Variants in SNAP47 observed in about 807,000 individuals in gnomAD.
SNAP47 encodes the protein synaptosome associated protein 47.
In SNAP47, 20 loss-of-function variants were observed where a neutral mutation model predicts 31.4. The ratio of observed to expected loss-of-function variants is 0.64; its 90% CI spans 0.45 to 0.93. SNAP47 has a LOEUF of 0.93. Among genes scored for constraint, SNAP47 ranks in the 40% least tolerant of loss-of-function variants. SNAP47 has a pLI of 0.00. For synonymous variants in SNAP47, 194 were observed against 213.4 expected, an observed-to-expected ratio of 0.91 and a Z score of 0.79; for missense variants, 492 against 528.5, an observed-to-expected ratio of 0.93 and a Z score of 0.68.
chr1:227,773,330 A>T (rs1170016169), intron 4 of SNAP47, among the ~76,000 whole-genome samples: 3 of 152,138 alleles, frequency 2.0e-5, no homozygotes, highest in Non-Finnish European at 4.4e-5. Flanking sequence ...AGCATATAGG[A>T]TAAGAATATA....
chr1:227,758,862 G>T, intron 2 of SNAP47, 133 bp from the exon 3 acceptor site: 1 of 1,091,258 alleles, frequency 9.2e-7, no homozygotes, highest in Non-Finnish European at 1.3e-6. Flanking sequence ...CTGCTTCATG[G>T]AGTGCTTGTG....
intron 1 of SNAP47, among the ~76,000 whole-genome samples, chr1:227,739,807 G>T (rs1488807297): frequency 1.3e-5 from 2 of 152,172 alleles, no homozygotes; most frequent in African/African-American, 2.4e-5. Flanking sequence ...TGGGCCCCTG[G>T]CCATGACCTC....
intron 1 of SNAP47, among the ~76,000 whole-genome samples, chr1:227,742,007 T>C (rs1029236196): frequency 1.5e-5 from 2 of 135,102 alleles, no homozygotes; most frequent in Non-Finnish European, 3.2e-5. Flanking sequence ...TGGTCTTTTT[T>C]TTCTTTTTTT....
chr1:227,776,407 G>C, intron 4 of SNAP47: 1 of 986,678 alleles, frequency 1.0e-6, no homozygotes, highest in Non-Finnish European at 1.2e-6. Flanking sequence ...AAGGAAGGCT[G>C]GTTCCTGGAT....
At chr1:227,739,330 G>A (rs1054943046) in intron 1 of SNAP47, among the ~76,000 whole-genome samples, 1 of 152,148 alleles carries the variant, frequency 6.6e-6, no homozygotes, top group East Asian at 1.9e-4. Context: ...TGGCCAGGAC[G>A]GGTTTTAAGT....
intron 1 of SNAP47, among the ~76,000 whole-genome samples, chr1:227,743,458 G>A (rs747337455): frequency 2.6e-5 from 4 of 152,220 alleles, no homozygotes; most frequent in Admixed American, 6.5e-5. Flanking sequence ...GCCTCCCTGA[G>A]CCCCGCCTCT....
chr1:227,776,464 C>T (rs1664165789), intron 4 of SNAP47: 3 of 985,778 alleles, frequency 3.0e-6, no homozygotes, highest in South Asian at 4.7e-5. Flanking sequence ...ATTTGCGCCT[C>T]GCCTCTGACT....
intron 4 of SNAP47, among the ~76,000 whole-genome samples, chr1:227,770,214 G>A (rs1322647758): frequency 4.6e-5 from 7 of 152,210 alleles, no homozygotes; most frequent in South Asian, 4.1e-4. Context: ...AAACACACAT[G>A]GTAACAGGAA....
intron 4 of SNAP47, among the ~76,000 whole-genome samples, chr1:227,778,639 G>A (rs960766902): frequency 2.6e-5 from 4 of 152,220 alleles, no homozygotes; most frequent in Non-Finnish European, 5.9e-5. Context: ...GCAGGGGCAG[G>A]TGAGAAGGGA....
upstream of SNAP47, among the ~76,000 whole-genome samples, chr1:227,728,206 T>C (rs1476982145): frequency 6.6e-6 from 1 of 151,892 alleles, no homozygotes; most frequent in African/African-American, 2.4e-5. Flanking sequence ...GGCTAGGAGG[T>C]TTTCCCAGGC....
intron 1 of SNAP47, among the ~76,000 whole-genome samples, chr1:227,737,951 A>G (rs1661333133): frequency 6.6e-6 from 1 of 152,282 alleles, no homozygotes; most frequent in East Asian, 1.9e-4. Context: ...TTACAGTTGC[A>G]GAGAAAGAAT....
intron 3 of SNAP47, among the ~76,000 whole-genome samples, chr1:227,764,993 C>T (rs1470720095): frequency 1.3e-5 from 2 of 152,182 alleles, no homozygotes; most frequent in Non-Finnish European, 2.9e-5. Flanking sequence ...GAGGATCACT[C>T]GAGCCAGGAG....
At chr1:227,733,826 C>A (rs1660849917), upstream of SNAP47, 3 of 1,593,904 alleles carry the variant, frequency 1.9e-6, no homozygotes, top group Non-Finnish European at 2.6e-6. Context: ...GCCAAGCAGC[C>A]CCCCTCCTGC....
At chr1:227,753,149 T>C (rs1662484986) in intron 2 of SNAP47, among the ~76,000 whole-genome samples, 1 of 152,256 alleles carries the variant, frequency 6.6e-6, no homozygotes, top group African/African-American at 2.4e-5. Context: ...TCCATCCGTC[T>C]GTGGATGGAC....
intron 2 of SNAP47, among the ~76,000 whole-genome samples, chr1:227,751,566 G>A (rs535633018): frequency 2.0e-5 from 3 of 152,102 alleles, no homozygotes; most frequent in Non-Finnish European, 2.9e-5. Flanking sequence ...TGCCCACGCC[G>A]GTCCCTTCAG....
At chr1:227,731,697 T>G (rs1164712752), upstream of SNAP47, 1 of 154,066 alleles carries the variant, frequency 6.5e-6, no homozygotes, top group Non-Finnish European at 1.4e-5. Flanking sequence ...AACAGCATCC[T>G]TGGGAAGACC....
intron 1 of SNAP47, among the ~76,000 whole-genome samples, chr1:227,728,958 C>A (rs1185120689): frequency 1.3e-5 from 2 of 152,104 alleles, no homozygotes; most frequent in Non-Finnish European, 2.9e-5. Flanking sequence ...GGGCGGCAGG[C>A]TGCAGAGGAA....
chr1:227,760,786 C>G (rs554243186), intron 3 of SNAP47, among the ~76,000 whole-genome samples: 11 of 152,328 alleles, frequency 7.2e-5, no homozygotes, highest in East Asian at 3.9e-4. Context: ...TTTCTTCCCC[C>G]ACAGATGTGC....
chr1:227,732,313 G>C (rs1660709188), upstream of SNAP47: 6 of 1,516,848 alleles, frequency 4.0e-6, no homozygotes, highest in Middle Eastern at 4.8e-4. Context: ...TCACAGGGAG[G>C]GCGGTCTTTA....
Sources: allele counts gnomAD v4.1 joint callset (sites outside exome capture counted in the v4.1 genomes callset), GRCh38; gene constraint gnomAD v4.1.1; transcripts MANE v1.5; gene names NCBI Gene and HGNC (gene_info 2026-07-23, HGNC 2026-07-21).